Variants in ZNF391 observed in about 807,000 individuals in gnomAD.
ZNF391 encodes the protein zinc finger protein 391.
For synonymous variants in ZNF391, 126 were observed against 142.1 expected, an observed-to-expected ratio of 0.89 and a Z score of 0.80; for missense variants, 375 against 425.5, an observed-to-expected ratio of 0.88 and a Z score of 1.04.
chr6:27,396,296 G>A (rs971924334), intron 1 of ZNF391, among the ~76,000 whole-genome samples: 1 of 152,166 alleles, frequency 6.6e-6, no homozygotes, highest in Non-Finnish European at 1.5e-5. Flanking sequence ...TGAAATAGAT[G>A]CTTACACCTA....
intron 1 of ZNF391, among the ~76,000 whole-genome samples, chr6:27,398,585 G>A (rs1003659544): frequency 5.3e-5 from 8 of 152,176 alleles, no homozygotes; most frequent in East Asian, 3.9e-4. Flanking sequence ...TTGGCCAGGC[G>A]CAGTGGCTCA....
rs1761965191 is a variant in ZNF391, at chr6:27,401,386, G to C, written c.1016G>C (p.Gly339Ala). 6.2e-7 allele frequency: 1 copy of C among 1,613,274 alleles called. No individual in the cohort carries two copies. Among genetic ancestry groups the C allele is most frequent in the South Asian group, 1.1e-5 (1 of 91,084 alleles). ...GEKPYKCNDC[G>A]KAFCQSSTLI... ...AAGCCGTACAAATGTAATGACTGTG[G>C]AAAAGCCTTCTGTCAGAGTTCAACT... Residue 339 changes from glycine to alanine, a missense_variant, in exon 3 of 3, where the codon GGA (glycine) becomes GCA (alanine). Gly to Ala is a moderately conservative substitution (Grantham distance 60, BLOSUM62 0). Coordinates refer to ENST00000244576, the MANE Select transcript of ZNF391 (RefSeq NM_001076781.3).
chr6:27,390,869 A>G (rs1358739915), intron 1 of ZNF391: 1 of 152,246 alleles, frequency 6.6e-6, no homozygotes, highest in Admixed American at 6.5e-5. Context: ...AAAGACAAGC[A>G]CATGCTAGTA....
chr6:27,392,034 G>A lies in ZNF391; in HGVS notation c.-188+2959G>A, dbSNP rs140816361. 3.6e-3 allele frequency among the ~76,000 whole-genome samples: 548 copies of A among 152,278 alleles called. 4 individuals carry two copies. The highest frequency in any genetic ancestry group is 0.013 in the African/African-American group (520 of 41,554). ...TCTAAAGTTAAACTACTAGGTATCC[G>A]ATAGCTTTGGACCAATCAAGTCCAG... On this transcript the variant is annotated intron_variant, in intron 1 of 2. Coordinates refer to ENST00000244576, the MANE Select transcript of ZNF391 (RefSeq NM_001076781.3).
intron 1 of ZNF391, among the ~76,000 whole-genome samples, chr6:27,397,434 T>C (rs1761851734): frequency 6.6e-6 from 1 of 152,106 alleles, no homozygotes; most frequent in African/African-American, 2.4e-5. Flanking sequence ...ACATTGGGAA[T>C]CACATTTTTT....
chr6:27,397,917 A>T (rs1026919125), intron 1 of ZNF391, among the ~76,000 whole-genome samples: 1 of 152,222 alleles, frequency 6.6e-6, no homozygotes, highest in Non-Finnish European at 1.5e-5. Context: ...GGCATGAGCC[A>T]CTGCGCCCTC....
chr6:27,386,221 C>T (rs1204500394), upstream of ZNF391, among the ~76,000 whole-genome samples: 2 of 129,924 alleles, frequency 1.5e-5, no homozygotes, highest in Non-Finnish European at 3.4e-5. Context: ...AAGTGAAAGA[C>T]CTGTATGCTG....
Position 27,400,542 on chromosome 6 carries a change from G to A in ZNF391, c.172G>A (p.Glu58Lys). ...ACTCAAAGAAATTTTCACAGGGGAG[G>A]AAGGCCCTGAATCCAGTGAATTTAG... The part of the protein sequence containing the change: ...VTLKEIFTGE[E>K]GPESSEFSLS... Residue 58 changes from glutamate (E) to lysine (K), a missense_variant, in exon 3 of 3, where the codon GAA becomes AAA. Coordinates refer to ENST00000244576, the MANE Select transcript of ZNF391 (RefSeq NM_001076781.3). 6.2e-7 allele frequency: 1 copy of A among 1,614,174 alleles called. No individual in the cohort carries two copies. The highest frequency in any genetic ancestry group is 8.5e-7 in the Non-Finnish European group (1 of 1,180,026).
intron 1 of ZNF391, among the ~76,000 whole-genome samples, chr6:27,375,510 C>G (rs1453208593): frequency 6.6e-6 from 1 of 152,150 alleles, no homozygotes; most frequent in Non-Finnish European, 1.5e-5. Flanking sequence ...AACACACAAA[C>G]ATTAAACCAC....
rs1761391065 is a variant in ZNF391, at chr6:27,374,982, T to C, written n.368T>C. ...CGCGTCCCGGGCTCCCCTACGCCTT[T>C]TGGAATCAGCGACAGACGCAGGTAT... is the stretch of plus-strand genomic sequence containing the variant. On this transcript the variant is annotated non_coding_transcript_exon_variant, in exon 1 of 3. Transcript: ENST00000477999. This position sits in a 1 kb window ranked among gnomAD's most constrained non-coding sequence, Gnocchi z 5.3. 6.6e-6 allele frequency: 1 copy of C among 152,278 alleles called. No homozygotes were observed. The highest frequency in any genetic ancestry group is 1.9e-4 in the East Asian group (1 of 5,178). 9.4% of individuals were successfully genotyped at this position (152,278 alleles called of 1,614,324 possible).
At chr6:27,393,947 G>A (rs1581533050) in intron 1 of ZNF391, among the ~76,000 whole-genome samples, 1 of 152,302 alleles carries the variant, frequency 6.6e-6, no homozygotes, top group South Asian at 2.1e-4. Flanking sequence ...AGCAAAGGAA[G>A]ATGTAGCCTG....
At chr6:27,385,540 T>TA (rs1561808957), upstream of ZNF391, among the ~76,000 whole-genome samples, 1 of 152,052 alleles carries the variant, frequency 6.6e-6, no homozygotes, top group Non-Finnish European at 1.5e-5. Context: ...CTATCAGGGA[T>TA]AAAAAAGGGA....
intron 1 of ZNF391, among the ~76,000 whole-genome samples, chr6:27,377,670 A>G (rs1761438060): frequency 6.6e-6 from 1 of 152,238 alleles, no homozygotes; most frequent in Non-Finnish European, 1.5e-5. Context: ...ATGTCTCCCT[A>G]AAATATATAA....
chr6:27,381,348 C>T (rs1445859456), intron 1 of ZNF391, among the ~76,000 whole-genome samples: 5 of 152,176 alleles, frequency 3.3e-5, no homozygotes, highest in African/African-American at 1.2e-4. Flanking sequence ...GCAGGTGCTC[C>T]GAGTGCGGGG....
Position 27,400,343 on chromosome 6 carries a change from C to T in ZNF391, c.-28C>T, listed in dbSNP as rs373996400. On this transcript the variant is annotated 5_prime_UTR_variant, in exon 3 of 3. Coordinates refer to ENST00000244576, the MANE Select transcript of ZNF391 (RefSeq NM_001076781.3). ...GCATCAACACCAATCAGACTGTTTC[C>T]GAAGAACTAGAGTTTTCTGGGTCAG... The T allele has an allele frequency of 5.0e-5, 77 of 1,549,082 alleles. No homozygotes were observed. The highest frequency in any genetic ancestry group is 5.8e-5 in the Non-Finnish European group (67 of 1,147,830).
chr6:27,398,991 C>T (rs894862578), intron 1 of ZNF391, among the ~76,000 whole-genome samples: 3 of 152,186 alleles, frequency 2.0e-5, no homozygotes, highest in Admixed American at 6.5e-5. Context: ...AGCTGAGTTT[C>T]TGTTTTATAC....
In ZNF391 at chr6:27,401,205, T is replaced by C; in HGVS notation, c.835T>C (p.Cys279Arg). 6.2e-7 allele frequency: 1 copy of C among 1,614,068 alleles called. No individual in the cohort carries two copies. Among genetic ancestry groups the C allele is most frequent in the Non-Finnish European group, 8.5e-7 (1 of 1,180,004 alleles). Residue 279 changes from cysteine to arginine, a missense_variant, in exon 3 of 3, where the codon TGC becomes CGC. Transcript: ENST00000244576. ...ACACACTGGGGAGAACCCCTATGAG[T>C]GCAGTGAATGTGGGAAAGTGTTCAG... ...RTHTGENPYE[C>R]SECGKVFSRS...
intron 1 of ZNF391, among the ~76,000 whole-genome samples, chr6:27,375,735 C>T (rs1373444578): frequency 6.6e-6 from 1 of 152,158 alleles, no homozygotes; most frequent in African/African-American, 2.4e-5. Flanking sequence ...CTACCAAAAT[C>T]ATACTGTAGC....
chr6:27,390,689 A>C (rs1385832017), intron 1 of ZNF391, among the ~76,000 whole-genome samples: 1 of 152,210 alleles, frequency 6.6e-6, no homozygotes, highest in East Asian at 1.9e-4. Flanking sequence ...GGAGACTCAT[A>C]AATCCTCTGA....
Sources: allele counts gnomAD v4.1 joint callset (sites outside exome capture counted in the v4.1 genomes callset), GRCh38; gene constraint gnomAD v4.1.1; non-coding constraint Gnocchi (gnomAD v3.1); transcripts MANE v1.5; gene names NCBI Gene and HGNC (gene_info 2026-07-23, HGNC 2026-07-21).